Variants in TBC1D14 observed in about 807,000 individuals in gnomAD.
The protein encoded by TBC1D14 is TBC1 domain family, member 14.
TBC1D14 carries 26 observed loss-of-function variants against 79.0 expected under a neutral mutation model. The observed-to-expected ratio is 0.33, with a 90% CI of 0.24 to 0.46. TBC1D14 has a LOEUF of 0.46. TBC1D14 is among the 20% of genes least tolerant of loss of function. The probability of loss-of-function intolerance (pLI) is 1.00; values close to 1 mark genes in which losing one functional copy is unlikely to be tolerated. For missense variants in TBC1D14, 769 were observed against 887.6 expected, an observed-to-expected ratio of 0.87 and a Z score of 1.70; for synonymous variants, 394 against 349.9, an observed-to-expected ratio of 1.13 and a Z score of -1.40.
chr4:6,973,759 T>G lies in TBC1D14; in HGVS notation c.843+6335T>G, dbSNP rs889250560. Among the ~76,000 whole-genome samples the G allele has an allele frequency of 2.0e-5, 3 of 152,200 alleles. 1 individual carries two copies. Among genetic ancestry groups the G allele is most frequent in the Admixed American group, 2.0e-4 (3 of 15,276 alleles). On this transcript the variant is annotated intron_variant, in intron 3 of 13. Transcript: ENST00000409757. ...CCAGGAGAAGCTCTGTACTTCTGAC[T>G]TGGCGAATGGGTCTCTAACACTTAG...
At chr4:6,912,782 A>C (rs886394478) in intron 1 of TBC1D14, among the ~76,000 whole-genome samples, 1 of 152,166 alleles carries the variant, frequency 6.6e-6, no homozygotes, top group African/African-American at 2.4e-5. Context: ...TTCTTCCCCT[A>C]ATCTTGTCAA....
In TBC1D14 at chr4:7,031,586, A is replaced by T. The variant is rs1161079209; in HGVS notation, c.*1194A>T. 1 of 152,204 alleles carries T rather than the reference A, an allele frequency of 6.6e-6. No homozygotes were observed. The highest frequency in any genetic ancestry group is 1.5e-5 in the Non-Finnish European group (1 of 68,036). 9.4% of individuals were successfully genotyped at this position (152,204 alleles called of 1,614,324 possible). ...AGAACTTTGTGTGAGGACTTTGGTT[A>T]TCCAAAATCACAGAAATGAACCGTT... On this transcript the variant is annotated 3_prime_UTR_variant, in exon 14 of 14. Coordinates refer to ENST00000409757, the MANE Select transcript of TBC1D14 (RefSeq NM_020773.3).
At chr4:6,918,747 G>A (rs149805007) in intron 1 of TBC1D14, among the ~76,000 whole-genome samples, 27 of 152,304 alleles carry the variant, frequency 1.8e-4, no homozygotes, top group Non-Finnish European at 3.5e-4. Context: ...CTGGAGTGTT[G>A]ATGATGTTTT....
At chr4:6,987,597 C>T (rs1027241153) in intron 3 of TBC1D14, 15 of 397,380 alleles carry the variant, frequency 3.8e-5, no homozygotes, top group East Asian at 1.1e-4. Context: ...CACGTATTTT[C>T]TTCTGGTTCA....
At chr4:6,921,693 A>ATTTTCT (rs1222894287) in intron 1 of TBC1D14, among the ~76,000 whole-genome samples, 4 of 92,232 alleles carry the variant, frequency 4.3e-5, no homozygotes, top group Non-Finnish European at 8.4e-5. Flanking sequence ...CACCTGGCTA[A>ATTTTCT]TTTTTTTTTT....
At chr4:6,922,195 A>G (rs562716748) in intron 1 of TBC1D14, among the ~76,000 whole-genome samples, 87 of 152,220 alleles carry the variant, frequency 5.7e-4, no homozygotes, top group African/African-American at 2.0e-3. Flanking sequence ...CTGGGACTGC[A>G]GGCATGTGCC....
chr4:6,967,453 G>C (rs371861174), intron 3 of TBC1D14, 29 bp downstream of exon 3: 11 of 1,607,110 alleles, frequency 6.8e-6, no homozygotes, highest in Non-Finnish European at 9.3e-6. Context: ...CACAGAAATA[G>C]GCTGTTGGAT....
At chr4:6,930,643 C>T (rs1474589360) in intron 2 of TBC1D14, among the ~76,000 whole-genome samples, 1 of 151,856 alleles carries the variant, frequency 6.6e-6, no homozygotes, top group Non-Finnish European at 1.5e-5. Flanking sequence ...ACTAAAAATA[C>T]AAAAATTAGC....
chr4:6,939,013 G>T (rs968584275), intron 2 of TBC1D14, among the ~76,000 whole-genome samples: 1 of 152,176 alleles, frequency 6.6e-6, no homozygotes, highest in Non-Finnish European at 1.5e-5. Flanking sequence ...AAGCACCGTG[G>T]ACACCATGGG....
At chr4:6,989,785 A>AG (rs1718300791) in intron 3 of TBC1D14, among the ~76,000 whole-genome samples, 1 of 152,082 alleles carries the variant, frequency 6.6e-6, no homozygotes, top group Non-Finnish European at 1.5e-5. Context: ...GGCTCTGCTC[A>AG]GGCACCCTGC....
At chr4:6,989,951 T>G (rs1718319679) in intron 3 of TBC1D14, among the ~76,000 whole-genome samples, 1 of 152,226 alleles carries the variant, frequency 6.6e-6, no homozygotes, top group Non-Finnish European at 1.5e-5. Context: ...ACAACTGTGC[T>G]TCTAAACTGA....
chr4:6,929,972 G>T (rs1442335918), intron 2 of TBC1D14, among the ~76,000 whole-genome samples: 1 of 152,206 alleles, frequency 6.6e-6, no homozygotes, highest in Non-Finnish European at 1.5e-5. Flanking sequence ...CAAAGTCCAT[G>T]CTGTTTCTAA....
In TBC1D14 at chr4:7,033,078, G is replaced by A. The variant is rs80293990; in HGVS notation, c.*2686G>A. ...TAGGACTTTTTTGAATTGTAAATAG[G>A]TGGTTTTATTAAATAAAAGTCAATG... is the stretch of plus-strand genomic sequence containing the variant. On this transcript the variant is annotated 3_prime_UTR_variant, in exon 14 of 14. Transcript: ENST00000409757. The A allele has an allele frequency of 1.2e-3, 180 of 152,738 alleles. 1 individual carries two copies. The highest frequency in any genetic ancestry group is 4.0e-3 in the African/African-American group (165 of 41,554). 9.5% of individuals were successfully genotyped at this position (152,738 alleles called of 1,614,324 possible). A position where few individuals can be genotyped will look rare whatever the true frequency, so the allele number is the denominator to read the frequency against.
chr4:6,941,833 C>T (rs1478067682), intron 2 of TBC1D14, among the ~76,000 whole-genome samples: 3 of 152,208 alleles, frequency 2.0e-5, no homozygotes, highest in Non-Finnish European at 4.4e-5. Flanking sequence ...CCTCAGGAAA[C>T]AGTACGCCCA....
intron 2 of TBC1D14, among the ~76,000 whole-genome samples, chr4:6,932,696 G>T (rs929737025): frequency 6.6e-6 from 1 of 152,164 alleles, no homozygotes; most frequent in East Asian, 1.9e-4. Flanking sequence ...CAGCCATAGC[G>T]CAGTGTGGCC....
chr4:6,955,002 G>A (rs1714491031), intron 2 of TBC1D14, among the ~76,000 whole-genome samples: 1 of 152,262 alleles, frequency 6.6e-6, no homozygotes, highest in Admixed American at 6.5e-5. Context: ...TGGATTGTGT[G>A]TGGAACTAGG....
At chr4:6,973,331 T>C (rs1343413142) in intron 3 of TBC1D14, among the ~76,000 whole-genome samples, 2 of 152,190 alleles carry the variant, frequency 1.3e-5, no homozygotes, top group African/African-American at 4.8e-5. Flanking sequence ...GCAGCAAGGA[T>C]AGGTCTTGGT....
At chr4:7,026,749 T>G (rs1722413383) in intron 13 of TBC1D14, among the ~76,000 whole-genome samples, 1 of 151,864 alleles carries the variant, frequency 6.6e-6, no homozygotes, top group South Asian at 2.1e-4. Flanking sequence ...ATACAAAAAT[T>G]AGCTGGGCAT....
chr4:6,931,680 C>T (rs538099339), intron 2 of TBC1D14, among the ~76,000 whole-genome samples: 1 of 152,210 alleles, frequency 6.6e-6, no homozygotes, highest in South Asian at 2.1e-4. Flanking sequence ...TTTCTTTTGG[C>T]AGCAAATCAC....
Sources: gnomAD v4.1 joint callset for allele counts (sites outside exome capture counted in the v4.1 genomes callset) on GRCh38, gnomAD v4.1.1 for gene constraint, MANE v1.5 for transcripts, NCBI Gene and HGNC (gene_info 2026-07-23, HGNC 2026-07-21) for gene names.